Variants in PPARGC1A observed in about 807,000 individuals in gnomAD.
PPARGC1A encodes the protein peroxisome proliferator-activated receptor gamma coactivator 1-alpha.
PPARGC1A carries 25 observed loss-of-function variants against 88.7 expected under a neutral mutation model. That is an observed-to-expected ratio of 0.28 (90% confidence interval 0.21 to 0.39). PPARGC1A has a LOEUF of 0.39. Among genes scored for constraint, PPARGC1A ranks in the 10% least tolerant of loss-of-function variants. PPARGC1A has a pLI of 1.00. For missense variants in PPARGC1A, 880 were observed against 968.7 expected, an observed-to-expected ratio of 0.91 and a Z score of 1.22; for synonymous variants, 363 against 355.6, an observed-to-expected ratio of 1.02 and a Z score of -0.24.
At chr4:24,317,812 A>G in the PPARGC1A span, among the ~76,000 whole-genome samples, 1 of 152,126 alleles carries the variant, frequency 6.6e-6, no homozygotes, top group Non-Finnish European at 1.5e-5. Context: ...GCACCTACCA[A>G]GACGAACGTG....
the PPARGC1A span, among the ~76,000 whole-genome samples, chr4:24,196,501 A>C: frequency 6.6e-6 from 1 of 152,214 alleles, no homozygotes; most frequent in Admixed American, 6.5e-5. Flanking sequence ...AAGCCCTTGC[A>C]ATGATCTTTA....
chr4:23,954,928 T>C, the PPARGC1A span, among the ~76,000 whole-genome samples: 2 of 152,106 alleles, frequency 1.3e-5, no homozygotes, highest in Non-Finnish European at 2.9e-5. Flanking sequence ...GTTTTACTGC[T>C]GTCTTGCTCT....
chr4:23,819,176 A>G (rs1469794645), intron 7 of PPARGC1A, among the ~76,000 whole-genome samples: 1 of 152,024 alleles, frequency 6.6e-6, no homozygotes, highest in African/African-American at 2.4e-5. Flanking sequence ...TAAAATATTC[A>G]GTAGATAAAA....
At chr4:24,264,245 T>C in the PPARGC1A span, among the ~76,000 whole-genome samples, 1 of 150,446 alleles carries the variant, frequency 6.6e-6, no homozygotes, top group Non-Finnish European at 1.5e-5. Flanking sequence ...AGGGTTGGCA[T>C]ACCCATGTTG....
chr4:24,154,323 A>G, the PPARGC1A span, among the ~76,000 whole-genome samples: 9 of 152,294 alleles, frequency 5.9e-5, no homozygotes, highest in Non-Finnish European at 2.9e-5. Flanking sequence ...CAAATTCCCC[A>G]CAGGATCTGG....
At chr4:24,347,586 T>G in the PPARGC1A span, among the ~76,000 whole-genome samples, 1 of 152,174 alleles carries the variant, frequency 6.6e-6, no homozygotes, top group Non-Finnish European at 1.5e-5. Flanking sequence ...CCTGCTCGCT[T>G]TTGTTGTCCA....
At chr4:24,460,103 T>G in the PPARGC1A span, among the ~76,000 whole-genome samples, 18 of 152,332 alleles carry the variant, frequency 1.2e-4, no homozygotes, top group Admixed American at 1.2e-3. Context: ...TTTAGAGAGG[T>G]CACTTGACAG....
chr4:24,077,200 C>T, the PPARGC1A span, among the ~76,000 whole-genome samples: 23 of 152,182 alleles, frequency 1.5e-4, no homozygotes, highest in Non-Finnish European at 3.1e-4. Flanking sequence ...TATCTTTGGC[C>T]TCTCTTTGGG....
the PPARGC1A span, among the ~76,000 whole-genome samples, chr4:24,415,706 CAG>C: frequency 7.5e-3 from 1,139 of 152,286 alleles, 6 homozygotes; most frequent in Non-Finnish European, 0.011. Context: ...GCTTGAAGAA[CAG>C]AGAGTTCTTA....
chr4:23,956,200 T>C, the PPARGC1A span, among the ~76,000 whole-genome samples: 70 of 152,240 alleles, frequency 4.6e-4, no homozygotes, highest in Middle Eastern at 3.4e-3. Context: ...GGCTGGAGTT[T>C]GTCAATACCT....
At chr4:24,434,789 C>A in the PPARGC1A span, among the ~76,000 whole-genome samples, 1 of 152,184 alleles carries the variant, frequency 6.6e-6, no homozygotes, top group East Asian at 1.9e-4. Flanking sequence ...TCACCTAATT[C>A]TTTTGTCCAT....
At chr4:24,056,823 G>A in the PPARGC1A span, among the ~76,000 whole-genome samples, 1 of 152,220 alleles carries the variant, frequency 6.6e-6, no homozygotes, top group African/African-American at 2.4e-5. Flanking sequence ...AGGATGTGGT[G>A]AAATTGGGCC....
At chr4:24,444,409 T>C in the PPARGC1A span, among the ~76,000 whole-genome samples, 1 of 151,854 alleles carries the variant, frequency 6.6e-6, no homozygotes, top group Non-Finnish European at 1.5e-5. Flanking sequence ...AGTGGTTCAA[T>C]TAGGAGTCTA....
chr4:23,847,058 C>T (rs1728450311), intron 2 of PPARGC1A, among the ~76,000 whole-genome samples: 1 of 152,168 alleles, frequency 6.6e-6, no homozygotes, highest in African/African-American at 2.4e-5. Context: ...CCCTTCCCTA[C>T]ACCCTTGAGC....
chr4:23,802,157 A>C, intron 11 of PPARGC1A, 67 bp downstream of exon 11: 1 of 1,602,104 alleles, frequency 6.2e-7, no homozygotes, highest in African/African-American at 1.3e-5. Flanking sequence ...CCATCCCAGT[A>C]ATCTTATGGC....
the PPARGC1A span, among the ~76,000 whole-genome samples, chr4:23,919,849 C>T: frequency 1.3e-5 from 2 of 152,070 alleles, no homozygotes; most frequent in Admixed American, 6.6e-5. Flanking sequence ...AGAAAGAGTG[C>T]CTGAAACTTG....
the PPARGC1A span, among the ~76,000 whole-genome samples, chr4:24,360,366 T>C: frequency 6.6e-6 from 1 of 152,274 alleles, no homozygotes; most frequent in South Asian, 2.1e-4. Context: ...TCCTTGGAAC[T>C]CTCATCCTTC....
intron 12 of PPARGC1A, among the ~76,000 whole-genome samples, chr4:23,798,705 G>T (rs1248716094): frequency 6.6e-6 from 1 of 151,682 alleles, no homozygotes; most frequent in African/African-American, 2.4e-5. Context: ...ATTTCTCTTG[G>T]TCTTTCCCCT....
chr4:23,999,780 C>G, the PPARGC1A span, among the ~76,000 whole-genome samples: 30 of 152,242 alleles, frequency 2.0e-4, no homozygotes, highest in East Asian at 5.0e-3. Flanking sequence ...AAAAGGCACT[C>G]TGTGATGGGG....
Sources: gnomAD v4.1 joint callset for allele counts (sites outside exome capture counted in the v4.1 genomes callset) on GRCh38, gnomAD v4.1.1 for gene constraint, MANE v1.5 for transcripts, NCBI Gene and HGNC (gene_info 2026-07-23, HGNC 2026-07-21) for gene names.